The following PIP4K2A variants were observed in gnomAD, a reference collection of about 807,000 sequenced individuals.
The protein encoded by PIP4K2A is phosphatidylinositol-5-phosphate 4-kinase type 2 alpha.
A neutral mutation model predicts 42.9 loss-of-function variants in PIP4K2A; 14 were observed. The ratio of observed to expected loss-of-function variants is 0.33; its 90% confidence interval spans 0.22 to 0.51. PIP4K2A has a LOEUF of 0.51. Ranked by LOEUF, PIP4K2A falls within the 20% of genes least tolerant of loss-of-function variation. The probability of loss-of-function intolerance (pLI) is 0.97; values close to 1 mark genes in which losing one functional copy is unlikely to be tolerated. For synonymous variants in PIP4K2A, 192 were observed against 192.2 expected, an observed-to-expected ratio of 1.00 and a Z score of 0.01; for missense variants, 434 against 519.8, an observed-to-expected ratio of 0.83 and a Z score of 1.61.
chr10:22,624,686 G>GA lies in PIP4K2A; in HGVS notation c.145-14970dup, dbSNP rs780011444. On this transcript the variant is annotated intron_variant, in intron 1 of 9. Transcript: ENST00000376573. ...TCAGTAGTATGTTACCTAGCAGGGG[G>GA]AAAAAAAAATCAGCACACTTTACGC... Among the ~76,000 whole-genome samples, 189 of 151,234 alleles carry GA rather than the reference G, an allele frequency of 1.2e-3. 3 individuals carry two copies. In the East Asian group the frequency reaches 0.033, roughly 26 times the overall value.
intron 1 of PIP4K2A, among the ~76,000 whole-genome samples, chr10:22,683,826 C>A (rs1473502939): frequency 6.9e-6 from 1 of 144,926 alleles, no homozygotes; most frequent in Non-Finnish European, 1.5e-5. Flanking sequence ...AGCTTTCCTA[C>A]CAAGCAGTTC....
At chr10:22,548,310 A>C (rs1266297235) in intron 7 of PIP4K2A, among the ~76,000 whole-genome samples, 1 of 152,224 alleles carries the variant, frequency 6.6e-6, no homozygotes, top group Non-Finnish European at 1.5e-5. Flanking sequence ...GGATTAGACT[A>C]TAGAGTCCTC....
chr10:22,603,716 C>G (rs1198881379), intron 3 of PIP4K2A, among the ~76,000 whole-genome samples: 1 of 152,066 alleles, frequency 6.6e-6, no homozygotes, highest in East Asian at 1.9e-4. Context: ...GCATGAAATC[C>G]CAGACCTCAG....
At chr10:22,636,522 C>A (rs1838666233) in intron 1 of PIP4K2A, among the ~76,000 whole-genome samples, 2 of 152,182 alleles carry the variant, frequency 1.3e-5, no homozygotes, top group Admixed American at 1.3e-4. Context: ...CTCAGCCTCC[C>A]CAAAGTGGTA....
chr10:22,543,368 C>T (rs1472226481), intron 7 of PIP4K2A, among the ~76,000 whole-genome samples: 1 of 152,194 alleles, frequency 6.6e-6, no homozygotes, highest in African/African-American at 2.4e-5. Flanking sequence ...GCTATATCTT[C>T]CCCAATTGTT....
rs538197705 is a variant in PIP4K2A at position 22,638,052 on chromosome 10, G to C, written c.145-28335C>G. ...CTAATTCTGGCATCACCTTCCTCCT[G>C]AACAGTCCCCCAGGACCAAAGAACA... On this transcript the variant is annotated intron_variant, in intron 1 of 9. Transcript: ENST00000376573. Among the ~76,000 whole-genome samples the C allele has an allele frequency of 3.3e-5, 5 of 152,242 alleles. No individual in the cohort carries two copies. The South Asian group carries it at 1.0e-3, about 32-fold the overall frequency.
chr10:22,667,978 G>C (rs1233850813), intron 1 of PIP4K2A, among the ~76,000 whole-genome samples: 1 of 151,342 alleles, frequency 6.6e-6, no homozygotes, highest in African/African-American at 2.4e-5. Context: ...GACAGACAGA[G>C]TCTCACTCTA....
intron 1 of PIP4K2A, chr10:22,642,122 A>G (rs916947722): frequency 2.6e-5 from 4 of 152,286 alleles, no homozygotes; most frequent in African/African-American, 9.7e-5. Flanking sequence ...TCCTGGCGGC[A>G]TTTGCATCCC....
At chr10:22,661,234 A>G (rs1251303382) in intron 1 of PIP4K2A, among the ~76,000 whole-genome samples, 1 of 152,214 alleles carries the variant, frequency 6.6e-6, no homozygotes, top group East Asian at 1.9e-4. Context: ...CAAGTGCCTA[A>G]ACATTGATCA....
chr10:22,705,560 C>CCCTGAGG (rs992753116), intron 1 of PIP4K2A, among the ~76,000 whole-genome samples: 5 of 151,698 alleles, frequency 3.3e-5, no homozygotes, highest in Admixed American at 3.3e-4. Context: ...TCCCACCAGC[C>CCCTGAGG]CCTGAGGCAC....
intron 1 of PIP4K2A, among the ~76,000 whole-genome samples, chr10:22,675,674 A>C (rs1186261322): frequency 6.6e-6 from 1 of 151,988 alleles, no homozygotes; most frequent in Non-Finnish European, 1.5e-5. Flanking sequence ...TAATGAAAAG[A>C]CTCTCCTGAA....
intron 1 of PIP4K2A, among the ~76,000 whole-genome samples, chr10:22,630,543 G>A (rs973046519): frequency 1.3e-5 from 2 of 152,146 alleles, no homozygotes; most frequent in Admixed American, 6.5e-5. Context: ...TTTTTACAAC[G>A]AAAACTGCTT....
chr10:22,568,970 T>C (rs1266861054), intron 5 of PIP4K2A: 2 of 1,450,252 alleles, frequency 1.4e-6, no homozygotes, highest in Admixed American at 3.9e-5. Flanking sequence ...AGACATCTAT[T>C]GCCCTGGGTT....
intron 3 of PIP4K2A, among the ~76,000 whole-genome samples, chr10:22,603,445 A>G (rs781210394): frequency 1.3e-5 from 2 of 152,034 alleles, no homozygotes; most frequent in Admixed American, 6.5e-5. Context: ...CCCTCTTTCC[A>G]GTCTCTCTGG....
At position 22,545,497 on chromosome 10, in the gene PIP4K2A, C is replaced by T. The variant is rs186459343; in HGVS notation, c.793-3450G>A. ...ACCCCATCTGGGTTCCTCGCCACAC[C>T]GGGCAGCCCAGAGTAATTTTCCTGG... is the stretch of plus-strand genomic sequence containing the variant. On this transcript the variant is annotated intron_variant, in intron 7 of 9. Transcript: ENST00000376573. Among the ~76,000 whole-genome samples the T allele has an allele frequency of 9.8e-5, 15 of 152,354 alleles. No homozygotes were observed. In the East Asian group the frequency reaches 2.1e-3, roughly 22 times the overall value.
chr10:22,594,816 C>G (rs1837596717), intron 3 of PIP4K2A, among the ~76,000 whole-genome samples: 1 of 152,190 alleles, frequency 6.6e-6, no homozygotes, highest in Admixed American at 6.5e-5. Flanking sequence ...AAAGGCATTA[C>G]TATAATCATA....
At chr10:22,664,969 A>G (rs911124209) in intron 1 of PIP4K2A, among the ~76,000 whole-genome samples, 2 of 151,634 alleles carry the variant, frequency 1.3e-5, no homozygotes, top group Non-Finnish European at 2.9e-5. Flanking sequence ...ATCCTTGAAA[A>G]AAATTCAAAT....
intron 1 of PIP4K2A, among the ~76,000 whole-genome samples, chr10:22,653,716 C>T (rs947914931): frequency 4.6e-5 from 7 of 152,060 alleles, no homozygotes; most frequent in African/African-American, 1.7e-4. Flanking sequence ...GAGTTCGAGA[C>T]CAGCCTGGCC....
chr10:22,597,057 C>G (rs1277473724), intron 3 of PIP4K2A, among the ~76,000 whole-genome samples: 2 of 152,238 alleles, frequency 1.3e-5, no homozygotes, highest in Non-Finnish European at 2.9e-5. Flanking sequence ...TAGAAAATAT[C>G]AGTAACAGCC....
Sources: gnomAD v4.1 joint callset for allele counts (sites outside exome capture counted in the v4.1 genomes callset) on GRCh38, gnomAD v4.1.1 for gene constraint, MANE v1.5 for transcripts, NCBI Gene and HGNC (gene_info 2026-07-23, HGNC 2026-07-21) for gene names.